The following CHCHD6 variants were observed in gnomAD, a reference collection of about 807,000 sequenced individuals.
CHCHD6 encodes the protein coiled-coil-helix-coiled-coil-helix domain containing 6.
CHCHD6 carries 28 observed loss-of-function variants against 32.3 expected under a neutral mutation model. The observed-to-expected ratio is 0.87, with a 90% CI of 0.64 to 1.19. The LOEUF is 1.19. CHCHD6 is among the 50% of genes most tolerant of loss of function. The pLI is 0.00. For synonymous variants in CHCHD6, 122 were observed against 117.5 expected (o/e 1.04, Z -0.25); for missense variants, 333 against 307.0 (o/e 1.08, Z -0.63).
At chr3:126,801,194 G>A (rs535098040) in intron 4 of CHCHD6, among the ~76,000 whole-genome samples, 2 of 152,350 alleles carry the variant, frequency 1.3e-5, no homozygotes, top group East Asian at 3.9e-4. Flanking sequence ...TTACTAGGGG[G>A]TGCCAGACAG....
intron 4 of CHCHD6, among the ~76,000 whole-genome samples, chr3:126,777,445 C>T (rs1212389983): frequency 6.6e-6 from 1 of 152,172 alleles, no homozygotes; most frequent in Non-Finnish European, 1.5e-5. Flanking sequence ...CGTGAAATAG[C>T]CGCTTGTGTT....
At chr3:126,909,152 G>A (rs559197510) in intron 5 of CHCHD6, among the ~76,000 whole-genome samples, 64 of 152,332 alleles carry the variant, frequency 4.2e-4, no homozygotes, top group African/African-American at 1.5e-3. Flanking sequence ...TGTTAACTTG[G>A]GAGGTGGTTA....
chr3:126,957,364 CCCTGCCTGCTGGCACCTGAGCCCCAGG>C, intron 6 of CHCHD6, 25 bp from the exon 7 acceptor site: 1 of 1,589,008 alleles, frequency 6.3e-7, no homozygotes. Context: ...TGTTTCTCTC[CCCTGCCTGCTGGCACCTGAGCCCCAGG>C]CCTGCCTGCT....
At chr3:126,956,526 G>A (rs540299955) in intron 6 of CHCHD6, among the ~76,000 whole-genome samples, 3 of 152,328 alleles carry the variant, frequency 2.0e-5, no homozygotes, top group South Asian at 4.1e-4. Context: ...CACTGAGCAC[G>A]CCCAGCAGCC....
chr3:126,841,379 A>G (rs1399012429), intron 4 of CHCHD6, among the ~76,000 whole-genome samples: 2 of 152,230 alleles, frequency 1.3e-5, no homozygotes, highest in African/African-American at 4.8e-5. Context: ...TCACTCAAGT[A>G]GGAAGTGACA....
chr3:126,704,521 C>T (rs1033492325), intron 1 of CHCHD6, 122 bp downstream of exon 1: 46 of 573,994 alleles, frequency 8.0e-5, no homozygotes, highest in Middle Eastern at 9.9e-4. Flanking sequence ...TGGGAGACTC[C>T]GGGGGCTCAG....
intron 6 of CHCHD6, among the ~76,000 whole-genome samples, chr3:126,946,274 G>T (rs2078637594): frequency 6.6e-6 from 1 of 152,198 alleles, no homozygotes; most frequent in African/African-American, 2.4e-5. Flanking sequence ...GCCCCACCTG[G>T]CTTCCTCTGA....
intron 4 of CHCHD6, among the ~76,000 whole-genome samples, chr3:126,806,911 A>G (rs901668888): frequency 6.6e-6 from 1 of 151,986 alleles, no homozygotes; most frequent in African/African-American, 2.4e-5. Flanking sequence ...ACATGGATGA[A>G]ACTGGAAATC....
chr3:126,837,078 C>G (rs1166267318), intron 4 of CHCHD6, among the ~76,000 whole-genome samples: 2 of 152,150 alleles, frequency 1.3e-5, no homozygotes, highest in Non-Finnish European at 2.9e-5. Context: ...ATCCTTGTGC[C>G]CTAGAACTTT....
chr3:126,745,043 T>G (rs1461351655), intron 4 of CHCHD6, among the ~76,000 whole-genome samples: 1 of 152,110 alleles, frequency 6.6e-6, no homozygotes, highest in Non-Finnish European at 1.5e-5. Context: ...TGAAGTTTTA[T>G]TATTTTATAT....
intron 5 of CHCHD6, among the ~76,000 whole-genome samples, chr3:126,890,881 A>G (rs1469260765): frequency 4.6e-5 from 7 of 152,066 alleles, no homozygotes; most frequent in Non-Finnish European, 8.8e-5. Context: ...GGGGTTCCCC[A>G]GGGAGTGGGG....
intron 6 of CHCHD6, among the ~76,000 whole-genome samples, chr3:126,926,445 C>G (rs1346271405): frequency 6.6e-6 from 1 of 152,178 alleles, no homozygotes; most frequent in Non-Finnish European, 1.5e-5. Context: ...GAGAGGATGG[C>G]AGGACTAGCT....
At position 126,824,560 on chromosome 3, in the gene CHCHD6, C is replaced by CAA. The variant is rs71150454; in HGVS notation, c.412-28067_412-28066dup. ...TAGGTGATAGAGCAAGACTCTGTCT[C>CAA]AAAAAAAAAAAAAAAAAAAAAGTCA... is the stretch of plus-strand genomic sequence containing the variant. On this transcript the variant is annotated intron_variant, in intron 4 of 7. Coordinates refer to ENST00000290913, the MANE Select transcript of CHCHD6 (RefSeq NM_032343.3). Among the ~76,000 whole-genome samples, 64 of 39,984 alleles carry CAA rather than the reference C, an allele frequency of 1.6e-3. 5 individuals are homozygous for CAA. Among genetic ancestry groups the CAA allele is most frequent in the Non-Finnish European group, 1.9e-3 (49 of 25,900 alleles). The allele number at this position is 39,984 out of a possible 152,430, so 26.2% of individuals were successfully genotyped here. A position where few individuals can be genotyped will look rare whatever the true frequency, so the allele number is the denominator to read the frequency against.
chr3:126,787,925 C>T (rs1447556746), intron 4 of CHCHD6, among the ~76,000 whole-genome samples: 2 of 152,104 alleles, frequency 1.3e-5, no homozygotes, highest in African/African-American at 2.4e-5. Context: ...GGAATGCTTC[C>T]AGTTTTTGCC....
intron 1 of CHCHD6, 47 bp downstream of exon 1, chr3:126,704,446 C>T (rs1466445201): frequency 8.5e-7 from 1 of 1,172,634 alleles, no homozygotes; most frequent in Admixed American, 3.5e-5. Flanking sequence ...GCCGCGGGCG[C>T]GGGGGGGAGG....
chr3:126,832,681 T>G (rs374230581), intron 4 of CHCHD6, among the ~76,000 whole-genome samples: 1 of 152,222 alleles, frequency 6.6e-6, no homozygotes, highest in East Asian at 1.9e-4. Context: ...GCTGCCATCT[T>G]CATGTGTCAT....
intron 5 of CHCHD6, among the ~76,000 whole-genome samples, chr3:126,888,409 A>G (rs1211450432): frequency 1.3e-5 from 2 of 152,256 alleles, no homozygotes; most frequent in African/African-American, 2.4e-5. Context: ...CTAAGGCACA[A>G]TGAAGAATTC....
intron 6 of CHCHD6, among the ~76,000 whole-genome samples, chr3:126,941,638 T>C (rs1402313747): frequency 1.3e-5 from 2 of 152,214 alleles, no homozygotes; most frequent in African/African-American, 4.8e-5. Context: ...TTGAAATAAT[T>C]TCAAACCCAT....
rs560125365 is a variant in CHCHD6 at position 126,803,776 on chromosome 3, C to T, written c.412-48871C>T. 2.0e-5 allele frequency among the ~76,000 whole-genome samples: 3 copies of T among 152,324 alleles called. No homozygotes were observed. In the East Asian group the frequency reaches 5.8e-4, roughly 29 times the overall value. On this transcript the variant is annotated intron_variant, in intron 4 of 7. Transcript: ENST00000290913. ...GGAATATACATTTTTGTCAGCACCA[C>T]ACCACACCTATTCCAAAATTGACCA... is the stretch of plus-strand genomic sequence containing the variant.
Sources: allele counts gnomAD v4.1 joint callset (sites outside exome capture counted in the v4.1 genomes callset), GRCh38; gene constraint gnomAD v4.1.1; transcripts MANE v1.5; gene names NCBI Gene and HGNC (gene_info 2026-07-23, HGNC 2026-07-21).